The following KCND2 variants were observed in gnomAD, a reference collection of about 807,000 sequenced individuals.
The protein encoded by KCND2 is potassium voltage-gated channel subfamily D member 2, also known as A-type voltage-gated potassium channel KCND2.
KCND2 carries 16 observed loss-of-function variants against 54.4 expected under a neutral mutation model. The observed-to-expected ratio is 0.29, with a 90% CI of 0.20 to 0.45. KCND2 has a LOEUF of 0.45. Among genes scored for constraint, KCND2 ranks in the 20% least tolerant of loss-of-function variants. KCND2 has a pLI of 1.00. For synonymous variants in KCND2, 317 were observed against 310.7 expected, an observed-to-expected ratio of 1.02 and a Z score of -0.21; for missense variants, 486 against 824.2, an observed-to-expected ratio of 0.59 and a Z score of 5.02.
intron 1 of KCND2, among the ~76,000 whole-genome samples, chr7:120,477,454 A>G (rs1033293994): frequency 6.6e-6 from 1 of 152,158 alleles, no homozygotes; most frequent in Non-Finnish European, 1.5e-5. Context: ...CTAAAAATGA[A>G]TGTTTATTAA....
chr7:120,358,679 C>T (rs1184027241), intron 1 of KCND2, among the ~76,000 whole-genome samples: 1 of 152,096 alleles, frequency 6.6e-6, no homozygotes, highest in African/African-American at 2.4e-5. Flanking sequence ...CCTAATTTCC[C>T]TTTGTGAATG....
intron 2 of KCND2, among the ~76,000 whole-genome samples, chr7:120,739,252 G>T (rs1042954386): frequency 6.6e-6 from 1 of 152,024 alleles, no homozygotes; most frequent in African/African-American, 2.4e-5. Context: ...GGAGTTGGGA[G>T]TCAGGAGTAG....
chr7:120,395,349 C>G (rs1224636113), intron 1 of KCND2, among the ~76,000 whole-genome samples: 1 of 151,900 alleles, frequency 6.6e-6, no homozygotes, highest in Non-Finnish European at 1.5e-5. Flanking sequence ...GGTTTTATTC[C>G]TATTTCATTT....
rs141119173 is a variant in KCND2 at position 120,278,629 on chromosome 7, C to A, written c.1115+2882C>A. Among the ~76,000 whole-genome samples, 178 of 151,544 alleles carry A rather than the reference C, an allele frequency of 1.2e-3. 1 individual carries two copies. Among genetic ancestry groups the A allele is most frequent in the African/African-American group, 4.2e-3 (175 of 41,354 alleles). ...GACAATATTCAGTTGGTTTTATGATCTAAAGAACTGAGTGTGTCTATCTTA... is the reference window on the plus strand; with the variant it reads ...GACAATATTCAGTTGGTTTTATGATATAAAGAACTGAGTGTGTCTATCTTA... On this transcript the variant is annotated intron_variant, in intron 1 of 5. Transcript: ENST00000331113.
At chr7:120,622,493 A>G (rs1024676948) in intron 1 of KCND2, among the ~76,000 whole-genome samples, 13 of 152,026 alleles carry the variant, frequency 8.6e-5, no homozygotes, top group African/African-American at 2.4e-4. Context: ...TGTTATATAT[A>G]TATATACAGT....
At chr7:120,457,959 T>C (rs1345218106) in intron 1 of KCND2, among the ~76,000 whole-genome samples, 1 of 152,062 alleles carries the variant, frequency 6.6e-6, no homozygotes, top group Non-Finnish European at 1.5e-5. Flanking sequence ...AAACTTACAA[T>C]CATAGAAGAA....
chr7:120,703,443 C>T (rs377286591), intron 1 of KCND2, among the ~76,000 whole-genome samples: 4 of 152,262 alleles, frequency 2.6e-5, no homozygotes, highest in East Asian at 3.9e-4. Flanking sequence ...AGATATTGAA[C>T]GGTATTTTTC....
At chr7:120,628,798 A>T (rs1793192477) in intron 1 of KCND2, among the ~76,000 whole-genome samples, 1 of 152,082 alleles carries the variant, frequency 6.6e-6, no homozygotes, top group African/African-American at 2.4e-5. Flanking sequence ...CTATAATTAA[A>T]TCCATATTTA....
rs530886345 is a variant in KCND2 at position 120,313,558 on chromosome 7, G to A, written c.1115+37811G>A. Among the ~76,000 whole-genome samples the A allele has an allele frequency of 6.6e-5, 10 of 151,986 alleles. No individual in the cohort carries two copies. The East Asian group carries it at 1.7e-3, about 26-fold the overall frequency. ...ATGTCTCCCTCTTTCCTTTCAGTTA[G>A]TAGCAGAAAGATCTGAATGGCAAGG... is the stretch of plus-strand genomic sequence containing the variant. On this transcript the variant is annotated intron_variant, in intron 1 of 5. Transcript: ENST00000331113.
At chr7:120,600,966 A>C (rs1002865220) in intron 1 of KCND2, among the ~76,000 whole-genome samples, 1 of 152,026 alleles carries the variant, frequency 6.6e-6, no homozygotes, top group Non-Finnish European at 1.5e-5. Flanking sequence ...CTGCAACACT[A>C]TTTAAGTTTT....
chr7:120,348,610 T>A (rs1800358549), intron 1 of KCND2, among the ~76,000 whole-genome samples: 2 of 152,186 alleles, frequency 1.3e-5, no homozygotes, highest in African/African-American at 2.4e-5. Flanking sequence ...AATTACTCTA[T>A]GCTCTATGAA....
intron 1 of KCND2, among the ~76,000 whole-genome samples, chr7:120,491,477 C>G (rs568299311): frequency 4.9e-4 from 74 of 152,122 alleles, no homozygotes; most frequent in African/African-American, 1.7e-3. Flanking sequence ...CATGCATAAT[C>G]GAAAGGTAAT....
At chr7:120,694,318 T>C (rs1792307660) in intron 1 of KCND2, among the ~76,000 whole-genome samples, 1 of 152,214 alleles carries the variant, frequency 6.6e-6, no homozygotes, top group African/African-American at 2.4e-5. Flanking sequence ...CACCTATATC[T>C]AGATATAGGT....
chr7:120,287,839 T>TC, intron 1 of KCND2, among the ~76,000 whole-genome samples: 1 of 152,148 alleles, frequency 6.6e-6, no homozygotes, highest in East Asian at 1.9e-4. Flanking sequence ...TGAAACTATG[T>TC]CCCAACAACA....
chr7:120,444,307 A>G (rs1801988879), intron 1 of KCND2, among the ~76,000 whole-genome samples: 1 of 152,140 alleles, frequency 6.6e-6, no homozygotes, highest in South Asian at 2.1e-4. Context: ...AGGGAAAGTT[A>G]GAGGTGAAAT....
intron 1 of KCND2, among the ~76,000 whole-genome samples, chr7:120,524,214 G>A (rs556693200): frequency 4.2e-4 from 64 of 151,492 alleles, no homozygotes; most frequent in African/African-American, 1.2e-3. Context: ...CAGACTGGGC[G>A]ACAGAGCAAG....
chr7:120,718,690 A>G (rs1792632458), intron 1 of KCND2, among the ~76,000 whole-genome samples: 1 of 152,196 alleles, frequency 6.6e-6, no homozygotes, highest in African/African-American at 2.4e-5. Context: ...CATTATTTAC[A>G]GCACTTAAAA....
intron 1 of KCND2, among the ~76,000 whole-genome samples, chr7:120,676,343 C>G (rs556073078): frequency 4.2e-4 from 64 of 152,042 alleles, no homozygotes; most frequent in African/African-American, 1.5e-3. Context: ...TAACTGTAAA[C>G]CCATTTTGGA....
Position 120,274,862 on chromosome 7 carries a change from A to G in KCND2, c.230A>G (p.His77Arg). 7 of 1,614,082 alleles carry G rather than the reference A, an allele frequency of 4.3e-6. No homozygotes were observed. Among genetic ancestry groups the G allele is most frequent in the Non-Finnish European group, 5.9e-6 (7 of 1,180,000 alleles). ...LGSSERDFFY[H>R]PETQQYFFDR... Reference sequence around the variant, plus strand: ...AGTTCTGAGAGGGACTTTTTCTACCACCCAGAAACTCAGCAGTATTTCTTT... The same window carrying G: ...AGTTCTGAGAGGGACTTTTTCTACCGCCCAGAAACTCAGCAGTATTTCTTT... Residue 77 changes from histidine (H) to arginine (R), a missense_variant, in exon 1 of 6, where the codon CAC (histidine) becomes CGC (arginine). By Grantham distance (29) the His-to-Arg change is conservative. Transcript: ENST00000331113.
Sources: allele counts gnomAD v4.1 joint callset (sites outside exome capture counted in the v4.1 genomes callset), GRCh38; gene constraint gnomAD v4.1.1; transcripts MANE v1.5; gene names NCBI Gene and HGNC (gene_info 2026-07-23, HGNC 2026-07-21).